The following PLXNA4 variants were observed in gnomAD, a reference collection of about 807,000 sequenced individuals.
PLXNA4 encodes the protein plexin-A4.
PLXNA4 carries 44 observed loss-of-function variants against 191.8 expected under a neutral mutation model. That is an observed-to-expected ratio of 0.23 (90% CI 0.18 to 0.29). PLXNA4 has a LOEUF of 0.29. Ranked by LOEUF, PLXNA4 falls within the 10% of genes least tolerant of loss-of-function variation. The probability of loss-of-function intolerance (pLI) is 1.00; values close to 1 mark genes in which losing one functional copy is unlikely to be tolerated. For missense variants in PLXNA4, 1,800 were observed against 2,488.8 expected, an observed-to-expected ratio of 0.72 and a Z score of 5.89; for synonymous variants, 1,082 against 1,009.5, an observed-to-expected ratio of 1.07 and a Z score of -1.36.
chr7:132,611,348 G>A (rs1406675435), intron 2 of PLXNA4, among the ~76,000 whole-genome samples: 1 of 152,140 alleles, frequency 6.6e-6, no homozygotes, highest in African/African-American at 2.4e-5. Flanking sequence ...CAAAGTAACA[G>A]CTCTTTCTCC....
intron 3 of PLXNA4, among the ~76,000 whole-genome samples, chr7:132,341,216 T>A (rs907340129): frequency 2.6e-5 from 4 of 152,226 alleles, no homozygotes; most frequent in Non-Finnish European, 4.4e-5. Flanking sequence ...GTTACTAGAA[T>A]GGCACAGAAA....
At chr7:132,234,373 C>T (rs1798625197) in intron 5 of PLXNA4, among the ~76,000 whole-genome samples, 1 of 152,120 alleles carries the variant, frequency 6.6e-6, no homozygotes. Flanking sequence ...TCCTATGTGG[C>T]CCAGTGCAGC....
chr7:132,332,867 GAA>G (rs537591833), intron 3 of PLXNA4, among the ~76,000 whole-genome samples: 3 of 98,622 alleles, frequency 3.0e-5, no homozygotes, highest in Middle Eastern at 4.5e-3. Flanking sequence ...CTCAAAAAAA[GAA>G]AAAAAAAAAA....
chr7:132,472,153 A>G (rs1307455678), intron 3 of PLXNA4, among the ~76,000 whole-genome samples: 3 of 152,194 alleles, frequency 2.0e-5, no homozygotes, highest in African/African-American at 4.8e-5. Flanking sequence ...TTCCGATTCA[A>G]TCTGCATACT....
intron 2 of PLXNA4, among the ~76,000 whole-genome samples, chr7:132,495,709 G>A (rs2117572527): frequency 6.6e-6 from 1 of 152,292 alleles, no homozygotes; most frequent in African/African-American, 2.4e-5. Context: ...CAGCTGGGAA[G>A]TCCCCACTCC....
chr7:132,370,386 G>A (rs188984828), intron 3 of PLXNA4, among the ~76,000 whole-genome samples: 200 of 152,320 alleles, frequency 1.3e-3, no homozygotes, highest in African/African-American at 4.7e-3. Context: ...GAGGCACCAT[G>A]GTTTCTTGAC....
intron 21 of PLXNA4, among the ~76,000 whole-genome samples, chr7:132,170,545 G>A (rs1402225250): frequency 1.3e-5 from 2 of 152,222 alleles, no homozygotes; most frequent in African/African-American, 2.4e-5. Context: ...AACCAAAGTC[G>A]CAGAGGGTGG....
Position 132,576,268 on chromosome 7 carries a change from GGTGTGGATCT to G in PLXNA4, c.-87+144_-87+153del, listed in dbSNP as rs1455553641. Among the ~76,000 whole-genome samples, 2 of 152,278 alleles carry G rather than the reference GGTGTGGATCT, an allele frequency of 1.3e-5. No individual in the cohort carries two copies. Among genetic ancestry groups the G allele is most frequent in the African/African-American group, 2.4e-5 (1 of 41,542 alleles). ...CAGGTGCGCGAGCGCCGTGTGTGCC[GGTGTGGATCT>G]GTGTGTGTGCCTGCGTGTGTGCGTG... On this transcript the variant is annotated intron_variant, in intron 1 of 31. Coordinates refer to ENST00000321063, the MANE Select transcript of PLXNA4 (RefSeq NM_020911.2). This position sits in a 1 kb window ranked among gnomAD's most constrained non-coding sequence, Gnocchi z 5.8.
intron 4 of PLXNA4, among the ~76,000 whole-genome samples, chr7:132,270,539 A>G (rs1317777011): frequency 6.6e-6 from 1 of 152,260 alleles, no homozygotes; most frequent in Non-Finnish European, 1.5e-5. Context: ...GCATTTTGGC[A>G]TTCTGTCCCT....
intron 3 of PLXNA4, among the ~76,000 whole-genome samples, chr7:132,317,021 T>A (rs543358426): frequency 5.3e-5 from 8 of 152,238 alleles, no homozygotes; most frequent in African/African-American, 1.7e-4. Context: ...TAAATTGGGT[T>A]GTGTGTGTTG....
chr7:132,326,254 C>A (rs182899959), intron 3 of PLXNA4, among the ~76,000 whole-genome samples: 83 of 152,310 alleles, frequency 5.4e-4, no homozygotes, highest in African/African-American at 1.6e-3. Flanking sequence ...ACACCATTGA[C>A]CTCCCTGGCT....
In PLXNA4 at chr7:132,518,525, G is replaced by C. The variant is rs1306849537; in HGVS notation, c.-86-9746C>G. 5.3e-5 allele frequency among the ~76,000 whole-genome samples: 8 copies of C among 152,260 alleles called. No homozygotes were observed. The South Asian group carries it at 1.2e-3, about 24-fold the overall frequency. ...TGTGAAATTGATGACTGGTGGGAGG[G>C]CTGGAGAAAAGTATAAAAGATGGGG... On this transcript the variant is annotated intron_variant, in intron 1 of 31. Coordinates refer to ENST00000321063, the MANE Select transcript of PLXNA4 (RefSeq NM_020911.2).
rs181487902 is a variant in PLXNA4 at position 132,584,438 on chromosome 7, T to A, written c.-87+61490A>T. Among the ~76,000 whole-genome samples, 18 of 152,256 alleles carry A rather than the reference T, an allele frequency of 1.2e-4. 1 individual carries two copies. Among genetic ancestry groups the A allele is most frequent in the Admixed American group, 1.2e-3 (18 of 15,290 alleles). ...ACACCTGTCATTTACTCCCTCCACC[T>A]CAAACTTAAGATTAGTGCACTGGGT... On this transcript the variant is annotated intron_variant, in intron 2 of 4. Transcript: ENST00000378539.
At chr7:132,288,692 G>A (rs1422318801) in intron 4 of PLXNA4, among the ~76,000 whole-genome samples, 1 of 152,128 alleles carries the variant, frequency 6.6e-6, no homozygotes, top group African/African-American at 2.4e-5. Flanking sequence ...CCCCCACAGG[G>A]GCAGAGAGGA....
intron 14 of PLXNA4, among the ~76,000 whole-genome samples, chr7:132,189,259 G>A (rs1273512281): frequency 6.6e-6 from 1 of 151,938 alleles, no homozygotes; most frequent in Non-Finnish European, 1.5e-5. Flanking sequence ...GGGAGAGGAT[G>A]TTATGGATAC....
intron 9 of PLXNA4, among the ~76,000 whole-genome samples, chr7:132,219,808 AT>A (rs1233430587): frequency 3.9e-5 from 6 of 152,164 alleles, no homozygotes; most frequent in Non-Finnish European, 7.3e-5. Flanking sequence ...TGCTTTTTCT[AT>A]GTTCAGATGT....
intron 2 of PLXNA4, among the ~76,000 whole-genome samples, chr7:132,588,526 G>C (rs1197146024): frequency 6.6e-6 from 1 of 151,780 alleles, no homozygotes; most frequent in Non-Finnish European, 1.5e-5. Flanking sequence ...TTCCTCCCTG[G>C]TGGCTTTATC....
rs370549958 is a variant in PLXNA4, at chr7:132,615,927, ATCTCTCTC to A, written c.-87+29993_-87+30000del. Among the ~76,000 whole-genome samples, 69 of 83,780 alleles carry A rather than the reference ATCTCTCTC, an allele frequency of 8.2e-4. No homozygotes were observed. In the Middle Eastern group the frequency reaches 0.019, roughly 23 times the overall value. The allele number at this position is 83,780 out of a possible 152,430, so 55.0% of individuals were successfully genotyped here. A position where few individuals can be genotyped will look rare whatever the true frequency, so the allele number is the denominator to read the frequency against. On this transcript the variant is annotated intron_variant, in intron 2 of 4. Coordinates refer to the PLXNA4 transcript ENST00000378539. The stretch of plus-strand genomic sequence containing the variant: ...TAACACACTTTTTGACAGATAAAGG[ATCTCTCTC>A]TCTCTCTCTCTCTCTCTCTCTCTCT...
intron 2 of PLXNA4, among the ~76,000 whole-genome samples, chr7:132,500,605 G>A (rs156953): frequency 0.98 from 148,969 of 152,186 alleles, 72,976 homozygotes; most frequent in Middle Eastern, 1. Flanking sequence ...ATTGGTGAAG[G>A]AAAAAAAATT....
Sources: allele counts gnomAD v4.1 joint callset (sites outside exome capture counted in the v4.1 genomes callset), GRCh38; gene constraint gnomAD v4.1.1; non-coding constraint Gnocchi (gnomAD v3.1); transcripts MANE v1.5; gene names NCBI Gene and HGNC (gene_info 2026-07-23, HGNC 2026-07-21).